Variants in TCP11L1 observed in about 807,000 individuals in gnomAD.
TCP11L1 encodes T-complex protein 11-like protein 1.
Under a neutral mutation model 48.9 loss-of-function variants are expected in TCP11L1, and 28 were observed. That is an observed-to-expected ratio of 0.57 (90% confidence interval 0.42 to 0.78). TCP11L1 has a LOEUF of 0.78. TCP11L1 is among the 30% of genes least tolerant of loss of function. TCP11L1 has a pLI of 0.00. For missense variants in TCP11L1, 505 were observed against 613.4 expected (o/e 0.82, Z 1.87); for synonymous variants, 204 against 231.9 (o/e 0.88, Z 1.09).
intron 2 of TCP11L1, among the ~76,000 whole-genome samples, chr11:33,054,235 T>C (rs76868652): frequency 6.6e-6 from 1 of 152,004 alleles, no homozygotes; most frequent in East Asian, 1.9e-4. Context: ...TTTTTTTTTT[T>C]TCTTTTAGGG....
intron 7 of TCP11L1, among the ~76,000 whole-genome samples, chr11:33,063,574 A>AT (rs1854526536): frequency 6.6e-6 from 1 of 152,002 alleles, no homozygotes; most frequent in African/African-American, 2.4e-5. Flanking sequence ...GCTGAACAAT[A>AT]TTTTTTTCTT....
In TCP11L1 at chr11:33,054,807, A is replaced by G. The variant is rs917479101; in HGVS notation, c.296+82A>G. The G allele has an allele frequency of 4.2e-6, 6 of 1,441,808 alleles. No homozygotes were observed. The Admixed American group carries it at 7.1e-5, about 17-fold the overall frequency. The allele number at this position is 1,441,808 out of a possible 1,614,324, so 89.3% of individuals were successfully genotyped here. A position where few individuals can be genotyped will look rare whatever the true frequency, so the allele number is the denominator to read the frequency against. On this transcript the variant is annotated intron_variant, in intron 3 of 9. Coordinates refer to ENST00000334274, the MANE Select transcript of TCP11L1 (RefSeq NM_018393.4). Reference sequence around the variant, plus strand: ...AAAATGTTTCCTTCAGTTGATACCAATATATTCAAACGTATTTTTCCTTTT... The same window carrying G: ...AAAATGTTTCCTTCAGTTGATACCAGTATATTCAAACGTATTTTTCCTTTT...
At chr11:33,044,262 T>C in intron 2 of TCP11L1, 1 of 200,268 alleles carries the variant, frequency 5.0e-6, no homozygotes, top group Non-Finnish European at 1.0e-5. Flanking sequence ...GTTTGAAAAG[T>C]CTGAGGCTAA....
chr11:33,052,192 G>A (rs928156333), intron 2 of TCP11L1, among the ~76,000 whole-genome samples: 2 of 152,032 alleles, frequency 1.3e-5, no homozygotes, highest in Admixed American at 1.3e-4. Flanking sequence ...CCCGTGACAC[G>A]AGATTACCTG....
At chr11:33,070,885 C>T (rs1341504782) in intron 9 of TCP11L1, among the ~76,000 whole-genome samples, 2 of 150,742 alleles carry the variant, frequency 1.3e-5, no homozygotes, top group Admixed American at 6.6e-5. Flanking sequence ...GCCTGTAATC[C>T]CAGGTACTCG....
At position 33,058,711 on chromosome 11, in the gene TCP11L1, C is replaced by T. The variant is rs148196344; in HGVS notation, c.639-248C>T. ...TTTCTTTTGAAAAATTCCAAACCTA[C>T]AGAAAAGTTACAAAAACAGTACAAT... On this transcript the variant is annotated intron_variant, in intron 5 of 9. Transcript: ENST00000334274. Among the ~76,000 whole-genome samples, 99 of 152,208 alleles carry T rather than the reference C, an allele frequency of 6.5e-4. 2 individuals carry two copies. The East Asian group carries it at 0.015, about 23-fold the overall frequency.
rs778395592 is a variant in TCP11L1 at position 33,058,145 on chromosome 11, G to C, written c.638+6G>C. 1 of 1,608,044 alleles carries C rather than the reference G, an allele frequency of 6.2e-7. No individual in the cohort carries two copies. Among genetic ancestry groups the C allele is most frequent in the South Asian group, 1.1e-5 (1 of 90,648 alleles). On this transcript the variant is annotated splice_donor_region_variant and intron_variant, in intron 5 of 9. Coordinates refer to ENST00000334274, the MANE Select transcript of TCP11L1 (RefSeq NM_018393.4). ...GAAATAGTGCCCCTTTTCAGGTATGGAAATATGTTAATCATACTCCGTGCA... is the reference window on the plus strand; with the variant it reads ...GAAATAGTGCCCCTTTTCAGGTATGCAAATATGTTAATCATACTCCGTGCA...
chr11:33,058,143 T>C lies in TCP11L1; in HGVS notation c.638+4T>C. ...AGGAAATAGTGCCCCTTTTCAGGTA[T>C]GGAAATATGTTAATCATACTCCGTG... On this transcript the variant is annotated splice_donor_region_variant and intron_variant, in intron 5 of 9. Transcript: ENST00000334274. 1 of 1,609,312 alleles carries C rather than the reference T, an allele frequency of 6.2e-7. No homozygotes were observed. The highest frequency in any genetic ancestry group is 8.5e-7 in the Non-Finnish European group (1 of 1,178,912).
At chr11:33,059,980 C>CT (rs34957060) in intron 6 of TCP11L1, among the ~76,000 whole-genome samples, 1 of 151,978 alleles carries the variant, frequency 6.6e-6, no homozygotes, top group Admixed American at 6.6e-5. Flanking sequence ...AGCCAGGCAC[C>CT]TTTTTTTTAA....
Position 33,043,853 on chromosome 11 carries a change from A to T in TCP11L1, c.80A>T (p.Asp27Val), listed in dbSNP as rs774224198. Residue 27 changes from aspartate to valine, a missense_variant, in exon 2 of 10, where the codon GAT becomes GTT. This residue lies in a region of TCP11L1 where 168 missense variants were observed against 183.5 expected (regional missense o/e 0.92). Transcript: ENST00000334274. ...AATGATTCTGAGGAAGGCCTCGAAGATGCTGTGGAAGGTGCTGATGAAGCC... is the reference window on the plus strand; with the variant it reads ...AATGATTCTGAGGAAGGCCTCGAAGTTGCTGTGGAAGGTGCTGATGAAGCC... ...KSNDSEEGLE[D>V]AVEGADEALQ... 2 of 1,614,080 alleles carry T rather than the reference A, an allele frequency of 1.2e-6. No individual in the cohort carries two copies. The highest frequency in any genetic ancestry group is 2.2e-5 in the South Asian group (2 of 91,062).
At chr11:33,066,910 A>G (rs1037177195) in intron 8 of TCP11L1, among the ~76,000 whole-genome samples, 1 of 152,118 alleles carries the variant, frequency 6.6e-6, no homozygotes, top group Admixed American at 6.5e-5. Flanking sequence ...AAACTTCTCA[A>G]ACTGGAACTG....
intron 2 of TCP11L1, among the ~76,000 whole-genome samples, chr11:33,051,388 TGTTCTCCC>T (rs1590225524): frequency 6.6e-6 from 1 of 151,796 alleles, no homozygotes; most frequent in East Asian, 1.9e-4. Context: ...AGGATGGTCT[TGTTCTCCC>T]GACCTTGTGG....
chr11:33,061,452 A>G (rs1854462943), intron 6 of TCP11L1, 78 bp from the exon 7 acceptor site: 3 of 1,376,832 alleles, frequency 2.2e-6, no homozygotes, highest in African/African-American at 1.4e-5. Context: ...CCACCAGGAC[A>G]TCGATTGTCC....
At chr11:33,049,026 T>C (rs1854078883) in intron 2 of TCP11L1, among the ~76,000 whole-genome samples, 1 of 152,080 alleles carries the variant, frequency 6.6e-6, no homozygotes, top group Non-Finnish European at 1.5e-5. Flanking sequence ...CCAAGGCAGG[T>C]GGATCATGAG....
intron 6 of TCP11L1, among the ~76,000 whole-genome samples, chr11:33,060,159 G>A (rs995702407): frequency 6.6e-6 from 1 of 152,094 alleles, no homozygotes; most frequent in Non-Finnish European, 1.5e-5. Context: ...ACCCAGGCTG[G>A]AGTGCAGTGG....
At chr11:33,062,054 C>T (rs1269494210) in intron 7 of TCP11L1, among the ~76,000 whole-genome samples, 1 of 151,900 alleles carries the variant, frequency 6.6e-6, no homozygotes, top group Non-Finnish European at 1.5e-5. Context: ...GCACTCCAGC[C>T]TGGGCGACAG....
chr11:33,069,165 A>T (rs1854704740), intron 9 of TCP11L1, among the ~76,000 whole-genome samples: 1 of 152,210 alleles, frequency 6.6e-6, no homozygotes, highest in Non-Finnish European at 1.5e-5. Context: ...TAAGGGCAGC[A>T]ACCTTACAAG....
chr11:33,047,437 A>T (rs1482490268), intron 2 of TCP11L1, among the ~76,000 whole-genome samples: 1 of 152,214 alleles, frequency 6.6e-6, no homozygotes, highest in Non-Finnish European at 1.5e-5. Context: ...TTCTCACAAA[A>T]TACCCTCTGT....
chr11:33,053,809 G>A (rs1854233533), intron 2 of TCP11L1, among the ~76,000 whole-genome samples: 1 of 152,058 alleles, frequency 6.6e-6, no homozygotes, highest in African/African-American at 2.4e-5. Context: ...GGACTTGATG[G>A]TATTTTAATT....
Sources: gnomAD v4.1 joint callset for allele counts (sites outside exome capture counted in the v4.1 genomes callset) on GRCh38, gnomAD v4.1.1 for gene constraint, gnomAD v4.1.1 regional missense constraint, MANE v1.5 for transcripts, NCBI Gene and HGNC (gene_info 2026-07-23, HGNC 2026-07-21) for gene names.